HIVEP3: variants seen among roughly 807,000 people sequenced by gnomAD.
HIVEP3 encodes the protein HIVEP zinc finger 3, also known as transcription factor HIVEP3.
A neutral mutation model predicts 152.8 loss-of-function variants in HIVEP3; 49 were observed. That is an observed-to-expected ratio of 0.32 (90% confidence interval 0.26 to 0.41). The LOEUF is 0.41. Ranked by LOEUF, HIVEP3 falls within the 10% of genes least tolerant of loss-of-function variation. HIVEP3 has a pLI of 1.00. For synonymous variants in HIVEP3, 1,269 were observed against 1,289.0 expected, an observed-to-expected ratio of 0.98 and a Z score of 0.33; for missense variants, 2,790 against 3,103.3, an observed-to-expected ratio of 0.90 and a Z score of 2.40.
intron 1 of HIVEP3, among the ~76,000 whole-genome samples, chr1:41,836,159 C>T (rs1643116895): frequency 6.6e-6 from 1 of 152,196 alleles, no homozygotes; most frequent in Non-Finnish European, 1.5e-5. Flanking sequence ...ATGCCAAAGA[C>T]AATGACCTTC....
chr1:41,816,763 T>C (rs185396944), intron 1 of HIVEP3, among the ~76,000 whole-genome samples: 116 of 152,336 alleles, frequency 7.6e-4, no homozygotes, highest in African/African-American at 2.7e-3. Context: ...TGTTTTTATG[T>C]GTGGTTCTCC....
chr1:41,687,627 G>A (rs1191294426), intron 2 of HIVEP3, among the ~76,000 whole-genome samples: 1 of 152,210 alleles, frequency 6.6e-6, no homozygotes, highest in Non-Finnish European at 1.5e-5. Context: ...CACACACTTA[G>A]GTGCACGGCG....
chr1:41,968,123 A>G lies in HIVEP3; in HGVS notation n.120-49599T>C, dbSNP rs540305793. On this transcript the variant is annotated intron_variant and non_coding_transcript_variant, in intron 1 of 3. Transcript: ENST00000489103. Reference sequence around the variant, plus strand: ...TAGCTGAATTCTACCAGAGGTACAAAGAGGAGATGGTACCATTTCTTCTGA... The same window carrying G: ...TAGCTGAATTCTACCAGAGGTACAAGGAGGAGATGGTACCATTTCTTCTGA... Among the ~76,000 whole-genome samples the G allele has an allele frequency of 5.7e-3, 865 of 152,276 alleles. 4 individuals carry two copies. Among genetic ancestry groups the G allele is most frequent in the South Asian group, 0.02 (95 of 4,818 alleles).
At chr1:41,612,921 T>C (rs1644918628) in intron 3 of HIVEP3, among the ~76,000 whole-genome samples, 1 of 152,224 alleles carries the variant, frequency 6.6e-6, no homozygotes, top group Non-Finnish European at 1.5e-5. Context: ...ACCATGTTTC[T>C]TGTTTGCCAC....
chr1:41,877,471 T>C lies in HIVEP3; in HGVS notation c.-801+40942A>G, dbSNP rs568430926. 5.3e-5 allele frequency among the ~76,000 whole-genome samples: 8 copies of C among 152,328 alleles called. No homozygotes were observed. In the South Asian group the frequency reaches 1.5e-3, roughly 28 times the overall value. On this transcript the variant is annotated intron_variant, in intron 1 of 8. Transcript: ENST00000372583. ...CCTTCAATAGAAGGCTATTTGAAGA[T>C]ACAAAAACCATATTTGTGAATGAAT...
intron 1 of HIVEP3, among the ~76,000 whole-genome samples, chr1:41,898,803 G>A (rs1644574773): frequency 6.6e-6 from 1 of 152,252 alleles, no homozygotes; most frequent in African/African-American, 2.4e-5. Flanking sequence ...TCTCTCTAGA[G>A]GGTTGTAAGA....
At position 41,510,391 on chromosome 1, in the gene HIVEP3, T is replaced by C. The variant is rs552231800; in HGVS notation, c.*60A>G. The stretch of plus-strand genomic sequence containing the variant: ...AGGAAGTGGGATGATTCGAGGAAAG[T>C]GGCTGGAAACGTCTGTTGCTGGACA... On this transcript the variant is annotated 3_prime_UTR_variant, in exon 9 of 9. Coordinates refer to ENST00000372583, the MANE Select transcript of HIVEP3 (RefSeq NM_024503.5). 7.4e-7 allele frequency: 1 copy of C among 1,346,988 alleles called. No individual in the cohort carries two copies. The highest frequency in any genetic ancestry group is 1.5e-5 in the African/African-American group (1 of 66,206). The allele number at this position is 1,346,988 out of a possible 1,614,324, so 83.4% of individuals were successfully genotyped here. A position where few individuals can be genotyped will look rare whatever the true frequency, so the allele number is the denominator to read the frequency against.
intron 1 of HIVEP3, among the ~76,000 whole-genome samples, chr1:41,857,672 A>G (rs976612523): frequency 3.3e-5 from 5 of 152,152 alleles, no homozygotes; most frequent in Non-Finnish European, 4.4e-5. Context: ...CATGATGCCT[A>G]TGAGGTATGC....
intron 1 of HIVEP3, among the ~76,000 whole-genome samples, chr1:41,787,817 A>C (rs1400630429): frequency 4.6e-5 from 7 of 152,100 alleles, no homozygotes. Flanking sequence ...TTACAGGCGT[A>C]AGCCTCTGCC....
chr1:41,599,929 A>G (rs71652197), intron 3 of HIVEP3, among the ~76,000 whole-genome samples: 6,623 of 152,292 alleles, frequency 0.043, 171 homozygotes, highest in East Asian at 0.098. Flanking sequence ...CGTTTCTCCA[A>G]AGAAGATCTA....
chr1:41,915,890 A>G (rs1447398564), intron 1 of HIVEP3, among the ~76,000 whole-genome samples: 3 of 152,164 alleles, frequency 2.0e-5, no homozygotes, highest in Admixed American at 6.5e-5. Flanking sequence ...CGCCTAGTGC[A>G]TCTGCAGATT....
rs377345320 is a variant in HIVEP3 at position 41,580,071 on chromosome 1, G to A, written c.4727C>T (p.Thr1576Met). The change falls in exon 4 of 9, where the codon ACG (threonine) becomes ATG (methionine). Residue 1576 changes from threonine to methionine, a missense_variant. Physicochemically the swap from Thr to Met is moderately conservative, Grantham distance 81 (BLOSUM62 -1). Around this residue, in one of 9 missense-constraint regions of HIVEP3, gnomAD observed 1,078 missense variants for 1,165.3 expected, o/e 0.93. Transcript: ENST00000372583. ...APPSSLPLSE[T>M]SSRPAKSQEG... ...TTGTGACTTGGCTGGTCTGGAGGAC[G>A]TTTCTGACAGAGGCAGAGAGCTCGG... 3.8e-5 allele frequency: 61 copies of A among 1,614,230 alleles called. No individual in the cohort carries two copies. In the East Asian group the frequency reaches 6.2e-4, roughly 17 times the overall value.
chr1:41,676,387 G>A (rs1645956809), intron 2 of HIVEP3, among the ~76,000 whole-genome samples: 1 of 152,138 alleles, frequency 6.6e-6, no homozygotes, highest in Non-Finnish European at 1.5e-5. Context: ...GCCTGGGTGA[G>A]GCTGGGGATG....
At chr1:41,717,214 G>A (rs1205022479) in intron 1 of HIVEP3, among the ~76,000 whole-genome samples, 1 of 151,624 alleles carries the variant, frequency 6.6e-6, no homozygotes, top group Non-Finnish European at 1.5e-5. Flanking sequence ...TTGGGCAGGG[G>A]AGGATCCCAT....
chr1:41,796,112 G>A (rs1317593059), intron 1 of HIVEP3, among the ~76,000 whole-genome samples: 1 of 152,170 alleles, frequency 6.6e-6, no homozygotes, highest in East Asian at 1.9e-4. Context: ...ACTTCTATCT[G>A]TACGTATATT....
intron 7 of HIVEP3, 54 bp from the exon 8 acceptor site, chr1:41,513,804 C>T: frequency 7.2e-7 from 1 of 1,391,620 alleles, no homozygotes; most frequent in South Asian, 1.6e-5. Flanking sequence ...GCCCCACTGC[C>T]CACACGGCTG....
chr1:41,978,731 C>G (rs765579980), intron 1 of HIVEP3, among the ~76,000 whole-genome samples: 1 of 152,166 alleles, frequency 6.6e-6, no homozygotes, highest in Non-Finnish European at 1.5e-5. Flanking sequence ...AAGAATACAG[C>G]AATAAACAAA....
chr1:41,798,598 G>A (rs185514210), intron 1 of HIVEP3, among the ~76,000 whole-genome samples: 2,236 of 152,270 alleles, frequency 0.015, 23 homozygotes, highest in Non-Finnish European at 0.019. Flanking sequence ...AAACCTCTGG[G>A]TAGCTGGTTC....
At chr1:41,915,070 G>A (rs970305632) in intron 1 of HIVEP3, among the ~76,000 whole-genome samples, 9 of 152,116 alleles carry the variant, frequency 5.9e-5, no homozygotes, top group Admixed American at 1.3e-4. Flanking sequence ...GTAAGCCACC[G>A]GCTATCCAGA....
Sources: gnomAD v4.1 joint callset for allele counts (sites outside exome capture counted in the v4.1 genomes callset) on GRCh38, gnomAD v4.1.1 for gene constraint, gnomAD v4.1.1 regional missense constraint, MANE v1.5 for transcripts, NCBI Gene and HGNC (gene_info 2026-07-23, HGNC 2026-07-21) for gene names.